FBXW11: variants seen among roughly 807,000 people sequenced by gnomAD.
FBXW11 encodes F-box and WD repeat domain containing 11.
FBXW11 carries 19 observed loss-of-function variants against 77.6 expected under a neutral mutation model. That is an observed-to-expected ratio of 0.24 (90% CI 0.17 to 0.36). The LOEUF (loss-of-function observed/expected upper bound fraction) is 0.36, where lower values mean the gene tolerates loss of function less well. Among genes scored for constraint, FBXW11 ranks in the 10% least tolerant of loss-of-function variants. The pLI is 1.00. For synonymous variants in FBXW11, 235 were observed against 249.4 expected, an observed-to-expected ratio of 0.94 and a Z score of 0.54; for missense variants, 334 against 704.2, an observed-to-expected ratio of 0.47 and a Z score of 5.95.
At position 172,006,569 on chromosome 5, in the gene FBXW11, C is replaced by A; in HGVS notation, c.-67G>T. 1.4e-6 allele frequency: 2 copies of A among 1,432,498 alleles called. No homozygotes were observed. The highest frequency in any genetic ancestry group is 1.8e-6 in the Non-Finnish European group (2 of 1,089,946). 88.7% of individuals were successfully genotyped at this position (1,432,498 alleles called of 1,614,324 possible). On this transcript the variant is annotated 5_prime_UTR_variant, in exon 1 of 14. Transcript: ENST00000517395. Reference sequence around the variant, plus strand: ...CGAACGGCCCGGGCGGAGGAGGCGACGGCGGAGGCGGCAGAGGCGGAGGCG... The same window carrying A: ...CGAACGGCCCGGGCGGAGGAGGCGAAGGCGGAGGCGGCAGAGGCGGAGGCG...
At chr5:171,875,423 T>C (rs1758014395) in intron 9 of FBXW11, among the ~76,000 whole-genome samples, 1 of 152,122 alleles carries the variant, frequency 6.6e-6, no homozygotes, top group Admixed American at 6.5e-5. Flanking sequence ...AGACAGAAGG[T>C]AGATGAGTGA....
intron 1 of FBXW11, among the ~76,000 whole-genome samples, chr5:171,963,324 CAAG>C (rs1023263461): frequency 9.9e-5 from 15 of 152,074 alleles, no homozygotes; most frequent in East Asian, 5.8e-4. Context: ...AAAGACATTC[CAAG>C]AAGAATACAT....
chr5:171,881,801 G>A (rs914910571), intron 7 of FBXW11, among the ~76,000 whole-genome samples: 1 of 152,078 alleles, frequency 6.6e-6, no homozygotes, highest in African/African-American at 2.4e-5. Context: ...TGTCAATTTT[G>A]GAAGACTGTG....
Position 171,904,501 on chromosome 5 carries a change from C to T in FBXW11, c.437-4401G>A, listed in dbSNP as rs1760343631. On this transcript the variant is annotated intron_variant, in intron 4 of 13. Transcript: ENST00000517395. The surrounding 1 kb of genome is among the most constrained non-coding windows in gnomAD (Gnocchi z 4.0). Reference sequence around the variant, plus strand: ...CAACAGCAAAAAGAAAAGATCCCCCCAATCTTCTCCTGACCTACAAAATCA... The same window carrying T: ...CAACAGCAAAAAGAAAAGATCCCCCTAATCTTCTCCTGACCTACAAAATCA... Among the ~76,000 whole-genome samples the T allele has an allele frequency of 6.6e-6, 1 of 151,990 alleles. No individual in the cohort carries two copies. The highest frequency in any genetic ancestry group is 2.4e-5 in the African/African-American group (1 of 41,382).
chr5:171,893,432 A>AAAC (rs1759508796), intron 6 of FBXW11, among the ~76,000 whole-genome samples: 1 of 145,550 alleles, frequency 6.9e-6, no homozygotes, highest in African/African-American at 2.5e-5. Context: ...AAAAAAAAAA[A>AAAC]AAAAAAAAAA....
At chr5:171,981,962 C>T (rs548111754) in intron 1 of FBXW11, among the ~76,000 whole-genome samples, 4 of 152,164 alleles carry the variant, frequency 2.6e-5, no homozygotes, top group African/African-American at 9.6e-5. Context: ...ATATGAAATT[C>T]CAGAACATAT....
rs116208186 is a variant in FBXW11 at position 171,892,899 on chromosome 5, G to A, written c.715-1295C>T. On this transcript the variant is annotated intron_variant, in intron 6 of 13. Transcript: ENST00000517395. ...TCTAATTATTTGCTTTGTTGAAGGAGTACTTAATTACTGGCTCTGCTGACA... is the reference window on the plus strand; with the variant it reads ...TCTAATTATTTGCTTTGTTGAAGGAATACTTAATTACTGGCTCTGCTGACA... 1.2e-3 allele frequency among the ~76,000 whole-genome samples: 190 copies of A among 152,256 alleles called. 1 individual carries two copies. The highest frequency in any genetic ancestry group is 4.3e-3 in the African/African-American group (180 of 41,554).
At position 171,908,113 on chromosome 5, in the gene FBXW11, ACT is replaced by A. The variant is rs941291796; in HGVS notation, c.436+2457_436+2458del. ...AATACAATCACCAACTTAAAAAAAG[ACT>A]CTGTCTTTTCTTGGTGTGAGATGCA... On this transcript the variant is annotated intron_variant, in intron 4 of 13. Transcript: ENST00000517395. 1.8e-3 allele frequency among the ~76,000 whole-genome samples: 270 copies of A among 152,112 alleles called. 3 individuals carry two copies. The highest frequency in any genetic ancestry group is 5.8e-4 in the East Asian group (3 of 5,182).
intron 2 of FBXW11, among the ~76,000 whole-genome samples, chr5:171,924,943 G>A (rs905033716): frequency 6.6e-6 from 1 of 152,080 alleles, no homozygotes; most frequent in African/African-American, 2.4e-5. Context: ...ATTCCCCCTT[G>A]TCTAGATGCC....
chr5:171,956,995 T>C (rs1292245366), intron 2 of FBXW11, among the ~76,000 whole-genome samples: 2 of 152,186 alleles, frequency 1.3e-5, no homozygotes, highest in Non-Finnish European at 2.9e-5. Flanking sequence ...CTTTTATCTG[T>C]GGAATTCTCT....
At chr5:172,006,007 G>A (rs1282839360) in intron 1 of FBXW11, among the ~76,000 whole-genome samples, 1 of 152,218 alleles carries the variant, frequency 6.6e-6, no homozygotes, top group African/African-American at 2.4e-5. Context: ...AGGACGCGGA[G>A]GCCCAGGCGG....
At chr5:172,003,543 TAAAAGTCA>T (rs1386130109) in intron 1 of FBXW11, among the ~76,000 whole-genome samples, 1 of 152,202 alleles carries the variant, frequency 6.6e-6, no homozygotes, top group East Asian at 1.9e-4. Context: ...TATAAGGCCC[TAAAAGTCA>T]TCTGGCGGTT....
intron 1 of FBXW11, among the ~76,000 whole-genome samples, chr5:171,967,223 T>C (rs1764238005): frequency 6.6e-6 from 1 of 152,176 alleles, no homozygotes; most frequent in Non-Finnish European, 1.5e-5. Flanking sequence ...ATTTCACATG[T>C]AAGAAATTTT....
intron 1 of FBXW11, among the ~76,000 whole-genome samples, chr5:171,974,853 G>A (rs533939308): frequency 6.6e-6 from 1 of 152,182 alleles, no homozygotes; most frequent in Non-Finnish European, 1.5e-5. Flanking sequence ...GGAGTGCAAC[G>A]GCACTTTCTC....
chr5:171,894,828 C>T (rs576821921), intron 6 of FBXW11, among the ~76,000 whole-genome samples: 2 of 152,080 alleles, frequency 1.3e-5, no homozygotes, highest in East Asian at 3.9e-4. Flanking sequence ...ATATCTACTC[C>T]CTCAAAACCA....
intron 1 of FBXW11, among the ~76,000 whole-genome samples, chr5:171,962,980 A>C (rs2113357801): frequency 6.6e-6 from 1 of 152,202 alleles, no homozygotes; most frequent in East Asian, 1.9e-4. Context: ...CAATCTTTTT[A>C]TTTAATCCAC....
At chr5:171,873,078 T>C in intron 9 of FBXW11, 88 bp from the exon 10 acceptor site, 1 of 1,065,056 alleles carries the variant, frequency 9.4e-7, no homozygotes, top group Non-Finnish European at 1.4e-6. Flanking sequence ...GAGCTTCTGA[T>C]AATGACCCAA....
chr5:171,923,844 G>GTT (rs1761730395), intron 2 of FBXW11, among the ~76,000 whole-genome samples: 1 of 147,684 alleles, frequency 6.8e-6, no homozygotes, highest in Non-Finnish European at 1.5e-5. Context: ...ACATACACAC[G>GTT]TGATAGCAGC....
At chr5:171,965,907 C>T (rs941599616) in intron 1 of FBXW11, among the ~76,000 whole-genome samples, 1 of 152,062 alleles carries the variant, frequency 6.6e-6, no homozygotes, top group African/African-American at 2.4e-5. Context: ...GGGTAGACGT[C>T]CCCCTTGCTG....
Sources: allele counts gnomAD v4.1 joint callset (sites outside exome capture counted in the v4.1 genomes callset), GRCh38; gene constraint gnomAD v4.1.1; non-coding constraint Gnocchi (gnomAD v3.1); transcripts MANE v1.5; gene names NCBI Gene and HGNC (gene_info 2026-07-23, HGNC 2026-07-21).